FLOT2: variants seen among roughly 807,000 people sequenced by gnomAD.
FLOT2 encodes the protein flotillin-2.
FLOT2 carries 35 observed loss-of-function variants against 54.9 expected under a neutral mutation model. The observed-to-expected ratio is 0.64, with a 90% confidence interval of 0.49 to 0.84. The LOEUF is 0.84. FLOT2 is among the 40% of genes least tolerant of loss of function. FLOT2 has a pLI of 0.00. For missense variants in FLOT2, 464 were observed against 572.1 expected (o/e 0.81, Z 1.93); for synonymous variants, 207 against 228.9 (o/e 0.90, Z 0.86).
chr17:28,885,832 GA>G (rs1282304934), intron 2 of FLOT2: 2 of 1,453,984 alleles, frequency 1.4e-6, no homozygotes, highest in East Asian at 2.5e-5. Flanking sequence ...GTTAGACACG[GA>G]GGAGGAAGCA....
At chr17:28,894,298 G>A (rs931891451) in intron 1 of FLOT2, among the ~76,000 whole-genome samples, 3 of 152,016 alleles carry the variant, frequency 2.0e-5, no homozygotes, top group African/African-American at 7.2e-5. Flanking sequence ...AACAGTCTGG[G>A]CAACACAGGG....
intron 1 of FLOT2, among the ~76,000 whole-genome samples, chr17:28,890,426 G>T (rs867006213): frequency 6.8e-5 from 10 of 147,594 alleles, no homozygotes; most frequent in Admixed American, 1.4e-4. Flanking sequence ...TCGCTCTGTC[G>T]CCCAGGCTGG....
At position 28,880,790 on chromosome 17, in the gene FLOT2, C is replaced by T. The variant is rs988862085; in HGVS notation, c.1171G>A (p.Val391Ile). The T allele has an allele frequency of 1.9e-6, 3 of 1,614,084 alleles. No homozygotes were observed. Among genetic ancestry groups the T allele is most frequent in the African/African-American group, 2.7e-5 (2 of 74,932 alleles). Residue 391 changes from valine to isoleucine, a missense_variant, in exon 10 of 11, where the codon GTC (valine) becomes ATC (isoleucine). By Grantham distance (29) the Val-to-Ile change is conservative (BLOSUM62 3). Transcript: ENST00000394908. ...AGCAGTCGGTTCACTTCTGATGTGA[C>T]CTTACTGTTGTCTCCACTGAGGACC... is the stretch of plus-strand genomic sequence containing the variant. Reference protein sequence around the residue: ...IVVLSGDNSKVTSEVNRLLAE... With the variant: ...IVVLSGDNSKITSEVNRLLAE...
intron 2 of FLOT2, chr17:28,886,081 A>C: frequency 1.6e-6 from 1 of 633,510 alleles, no homozygotes. Flanking sequence ...GCTGTCAGTA[A>C]TCCAACCCCC....
intron 1 of FLOT2, among the ~76,000 whole-genome samples, chr17:28,889,339 T>G (rs959213367): frequency 6.6e-6 from 1 of 152,206 alleles, no homozygotes; most frequent in Non-Finnish European, 1.5e-5. Flanking sequence ...AAAAGCTTTT[T>G]TTTTTTTTCA....
In FLOT2 at chr17:28,897,558, G is replaced by C; in HGVS notation, c.17C>G (p.Thr6Arg). 6.2e-7 allele frequency: 1 copy of C among 1,604,098 alleles called. No individual in the cohort carries two copies. The highest frequency in any genetic ancestry group is 8.5e-7 in the Non-Finnish European group (1 of 1,175,806). The change falls in exon 1 of 11, where the codon ACG becomes AGG. Residue 6 changes from threonine to arginine, a missense_variant. Physicochemically the swap from Thr to Arg is moderately conservative, Grantham distance 71. Transcript: ENST00000394908. This position sits in a 1 kb window ranked among gnomAD's most constrained non-coding sequence, Gnocchi z 4.4. Reference sequence around the variant, plus strand: ...CACCAGCGCCTCGTTGGGCCCCACCGTGTGGCAATTGCCCATGGCGCCGGC... The same window carrying C: ...CACCAGCGCCTCGTTGGGCCCCACCCTGTGGCAATTGCCCATGGCGCCGGC... MGNCH[T>R]VGPNEALVVS...
At chr17:28,886,729 T>C (rs1406531306) in intron 2 of FLOT2, among the ~76,000 whole-genome samples, 1 of 152,142 alleles carries the variant, frequency 6.6e-6, no homozygotes, top group Non-Finnish European at 1.5e-5. Flanking sequence ...TGTGGAAGGT[T>C]TCCCTAAATC....
intron 2 of FLOT2, chr17:28,886,081 A>T (rs2039541092): frequency 7.9e-6 from 5 of 633,512 alleles, no homozygotes; most frequent in East Asian, 2.8e-5. Context: ...GCTGTCAGTA[A>T]TCCAACCCCC....
At chr17:28,891,993 A>G (rs2039659056) in intron 1 of FLOT2, among the ~76,000 whole-genome samples, 1 of 152,162 alleles carries the variant, frequency 6.6e-6, no homozygotes. Flanking sequence ...ATCAAAGAGC[A>G]GTGTGGGCAG....
chr17:28,895,065 C>G (rs1030532049), intron 1 of FLOT2, among the ~76,000 whole-genome samples: 1 of 151,572 alleles, frequency 6.6e-6, no homozygotes, highest in African/African-American at 2.4e-5. Context: ...GTATGTGCCA[C>G]CACTCCTGGC....
rs1361758393 is a variant in FLOT2, at chr17:28,881,810, TCA to T, written c.914+2_914+3del. ...CCTGACCCCGGCACCTGGGCGGCTC[TCA>T]CTTTTCACCCTCGGCAATCTGCTGG... On this transcript the variant is annotated splice_donor_variant and splice_donor_region_variant and intron_variant, in intron 8 of 10. Transcript: ENST00000394908. LOFTEE classifies it high-confidence loss of function. 3 of 1,612,710 alleles carry T rather than the reference TCA, an allele frequency of 1.9e-6. No homozygotes were observed. Among genetic ancestry groups the T allele is most frequent in the Non-Finnish European group, 2.5e-6 (3 of 1,179,946 alleles).
intron 8 of FLOT2, 99 bp from the exon 9 acceptor site, chr17:28,881,474 G>A: frequency 2.4e-6 from 3 of 1,272,834 alleles, no homozygotes; most frequent in Non-Finnish European, 3.3e-6. Flanking sequence ...TGCTCTGGGG[G>A]CTGTCGGGGT....
At chr17:28,881,460 C>A in intron 8 of FLOT2, 85 bp from the exon 9 acceptor site, 1 of 1,383,430 alleles carries the variant, frequency 7.2e-7, no homozygotes. Context: ...ACCTTCAAAC[C>A]CTCTGCTCTG....
In FLOT2 at chr17:28,879,855, C is replaced by G; in HGVS notation, c.*706G>C. On this transcript the variant is annotated 3_prime_UTR_variant, in exon 11 of 11. Coordinates refer to ENST00000394908, the MANE Select transcript of FLOT2 (RefSeq NM_004475.3). ...TGAAGAGGCCTTCCCTGAGCACAAG[C>G]AGGGGCCTCCTAAGGCAGTAGGAAA... is the stretch of plus-strand genomic sequence containing the variant. The G allele has an allele frequency of 1.0e-6, 1 of 986,056 alleles. No individual in the cohort carries two copies. The allele number at this position is 986,056 out of a possible 1,614,324, so 61.1% of individuals were successfully genotyped here. A position where few individuals can be genotyped will look rare whatever the true frequency, so the allele number is the denominator to read the frequency against.
At position 28,883,385 on chromosome 17, in the gene FLOT2, T is replaced by G. The variant is rs1272304174; in HGVS notation, c.223-154A>C. 6.6e-6 allele frequency among the ~76,000 whole-genome samples: 1 copy of G among 152,100 alleles called. No individual in the cohort carries two copies. The highest frequency in any genetic ancestry group is 2.4e-5 in the African/African-American group (1 of 41,416). On this transcript the variant is annotated intron_variant, in intron 3 of 10. Transcript: ENST00000394908. This position sits in a 1 kb window ranked among gnomAD's most constrained non-coding sequence, Gnocchi z 5.0. ...GCTGGAATCTGTCTGAAGCCTCTAG[T>G]GGGGAGACAGCAGCACAAGGGCTTC...
intron 2 of FLOT2, chr17:28,885,468 G>C: frequency 1.5e-6 from 1 of 659,188 alleles, no homozygotes; most frequent in Non-Finnish European, 2.8e-6. Flanking sequence ...GTGCTCAGTA[G>C]AGAGCTGGTG....
intron 1 of FLOT2, among the ~76,000 whole-genome samples, chr17:28,896,243 G>A (rs914953839): frequency 1.3e-5 from 2 of 152,218 alleles, no homozygotes; most frequent in Admixed American, 1.3e-4. Flanking sequence ...TCAGTCCCAA[G>A]ACTTTCCACA....
intron 10 of FLOT2, 36 bp from the exon 11 acceptor site, chr17:28,880,635 C>T (rs375396199): frequency 3.2e-5 from 51 of 1,613,680 alleles, no homozygotes; most frequent in Non-Finnish European, 3.9e-5. Flanking sequence ...ACCTTGGCTC[C>T]AGAGCCCAGG....
intron 2 of FLOT2, chr17:28,885,708 C>G (rs1314188282): frequency 2.8e-6 from 2 of 721,000 alleles, no homozygotes; most frequent in African/African-American, 1.7e-5. Context: ...AGGGATCCAT[C>G]CTGGCACCCA....
Sources: allele counts gnomAD v4.1 joint callset (sites outside exome capture counted in the v4.1 genomes callset), GRCh38; gene constraint gnomAD v4.1.1; non-coding constraint Gnocchi (gnomAD v3.1); transcripts MANE v1.5; gene names NCBI Gene and HGNC (gene_info 2026-07-23, HGNC 2026-07-21).